The following ZBBX variants were observed in gnomAD, a reference collection of about 807,000 sequenced individuals.
The protein encoded by ZBBX is zinc finger B-box domain-containing protein 1.
ZBBX carries 101 observed loss-of-function variants against 108.5 expected under a neutral mutation model. That is an observed-to-expected ratio of 0.93 (90% CI 0.79 to 1.10). The LOEUF (loss-of-function observed/expected upper bound fraction) is 1.10, where lower values mean the gene tolerates loss of function less well. ZBBX is among the 50% of genes least tolerant of loss of function. The probability of loss-of-function intolerance (pLI) is 0.00; values close to 1 mark genes in which losing one functional copy is unlikely to be tolerated. For synonymous variants in ZBBX, 356 were observed against 323.4 expected (o/e 1.10, Z -1.08); for missense variants, 1,009 against 941.4 (o/e 1.07, Z -0.94).
chr3:167,298,997 T>C (rs1454480176), intron 17 of ZBBX, among the ~76,000 whole-genome samples: 1 of 152,074 alleles, frequency 6.6e-6, no homozygotes, highest in Non-Finnish European at 1.5e-5. Context: ...AGCTAGAAAC[T>C]AGCAGACCTA....
intron 16 of ZBBX, among the ~76,000 whole-genome samples, chr3:167,308,557 C>T (rs995766475): frequency 3.4e-4 from 52 of 152,166 alleles, no homozygotes; most frequent in Middle Eastern, 3.4e-3. Flanking sequence ...GGGAATCAAC[C>T]CAAATGCTCA....
chr3:167,350,452 C>G lies in ZBBX; in HGVS notation c.496G>C (p.Ala166Pro), dbSNP rs768107847. Residue 166 changes from alanine to proline, a missense_variant, in exon 9 of 22, where the codon GCA becomes CCA. Physicochemically the swap from Ala to Pro is conservative, Grantham distance 27. Transcript: ENST00000675490. Reference sequence around the variant, plus strand: ...AGAGTTGTTCTGTGGAGCTTTAGTGCCCCTTTCTGGTGAACTTTAGCAAAG... The same window carrying G: ...AGAGTTGTTCTGTGGAGCTTTAGTGGCCCTTTCTGGTGAACTTTAGCAAAG... ...GCFAKVHQKG[A>P]LKLHRTTLLQ... 1.1e-5 allele frequency: 17 copies of G among 1,596,280 alleles called. No individual in the cohort carries two copies. The highest frequency in any genetic ancestry group is 1.5e-5 in the Non-Finnish European group (17 of 1,168,840).
chr3:167,210,932 GA>G, the ZBBX span, among the ~76,000 whole-genome samples: 9 of 151,032 alleles, frequency 6.0e-5, no homozygotes, highest in African/African-American at 1.7e-4. Flanking sequence ...TCATCAGTAT[GA>G]AAAAAAAAGA....
At chr3:167,192,020 G>C in the ZBBX span, among the ~76,000 whole-genome samples, 1 of 147,016 alleles carries the variant, frequency 6.8e-6, no homozygotes, top group East Asian at 2.0e-4. Flanking sequence ...CCATAGTTAG[G>C]TTTTATCTTT....
At chr3:167,287,315 T>C (rs1251435124) in intron 19 of ZBBX, among the ~76,000 whole-genome samples, 1 of 152,150 alleles carries the variant, frequency 6.6e-6, no homozygotes. Flanking sequence ...ATTCAGACTG[T>C]TTATATTAGC....
At chr3:167,351,772 C>T (rs886894409) in intron 8 of ZBBX, among the ~76,000 whole-genome samples, 1 of 152,170 alleles carries the variant, frequency 6.6e-6, no homozygotes, top group Non-Finnish European at 1.5e-5. Flanking sequence ...CACTGGTGCC[C>T]TTCCTGTCTG....
At chr3:167,225,556 T>C in the ZBBX span, among the ~76,000 whole-genome samples, 3 of 151,854 alleles carry the variant, frequency 2.0e-5, no homozygotes, top group African/African-American at 4.8e-5. Flanking sequence ...GCTAAATAGA[T>C]AGAAGAGTAA....
chr3:167,232,223 A>G, the ZBBX span, among the ~76,000 whole-genome samples: 234 of 151,948 alleles, frequency 1.5e-3, 2 homozygotes, highest in African/African-American at 5.2e-3. Flanking sequence ...TGTTTCACTA[A>G]TACCAAGTAA....
Position 167,346,130 on chromosome 3 carries a change from T to C in ZBBX, c.528+4290A>G, listed in dbSNP as rs1339967841. ...GAATGCCTGATATATTAAGACCTCA[T>C]TTCTCATCTGAAAATAACTTTTGTT... On this transcript the variant is annotated intron_variant, in intron 9 of 21. Transcript: ENST00000675490. Among the ~76,000 whole-genome samples the C allele has an allele frequency of 2.6e-5, 4 of 151,840 alleles. No individual in the cohort carries two copies. The South Asian group carries it at 6.2e-4, about 24-fold the overall frequency.
intron 18 of ZBBX, among the ~76,000 whole-genome samples, chr3:167,289,777 A>T (rs1730350509): frequency 6.6e-6 from 1 of 152,174 alleles, no homozygotes; most frequent in Non-Finnish European, 1.5e-5. Context: ...CCAGGGAGCC[A>T]AGTGGTCTGG....
intron 10 of ZBBX, among the ~76,000 whole-genome samples, chr3:167,330,871 G>GAACAAGAAGAAGAAGAAGAAGAAGAAGA (rs1553820669): frequency 2.3e-5 from 1 of 43,916 alleles, no homozygotes; most frequent in Non-Finnish European, 4.5e-5. Context: ...GGAGGAGGAG[G>GAACAAGAAGAAGAAGAAGAAGAAGAAGA]AGAAGAAGAA....
intron 20 of ZBBX, among the ~76,000 whole-genome samples, chr3:167,266,922 G>A (rs546759713): frequency 1.3e-5 from 2 of 152,062 alleles, no homozygotes; most frequent in African/African-American, 4.8e-5. Flanking sequence ...TTGAGGAATC[G>A]AGACCCACCC....
chr3:167,241,243 T>C (rs751493287), intron 21 of ZBBX, among the ~76,000 whole-genome samples: 3 of 152,140 alleles, frequency 2.0e-5, no homozygotes, highest in Non-Finnish European at 4.4e-5. Context: ...ATTAAGAACA[T>C]TCATCATCAC....
chr3:167,389,605 AG>A (rs1188825811), intron 1 of ZBBX, among the ~76,000 whole-genome samples: 1 of 152,304 alleles, frequency 6.6e-6, no homozygotes, highest in African/African-American at 2.4e-5. Context: ...ACAGTGTAAA[AG>A]TGTTCCTATG....
rs191372688 is a variant in ZBBX, at chr3:167,270,542, A to G, written c.2254+11696T>C. 9.8e-3 allele frequency among the ~76,000 whole-genome samples: 1,495 copies of G among 152,310 alleles called. 24 individuals are homozygous for G. The highest frequency in any genetic ancestry group is 0.034 in the African/African-American group (1,416 of 41,566). ...TCAGTGTAAATAATGGAGTGGCTAT[A>G]GGAGTGCTTACCCAAGAGCACAGTG... On this transcript the variant is annotated intron_variant, in intron 20 of 21. Transcript: ENST00000675490.
chr3:167,296,026 G>A (rs1341239368), intron 18 of ZBBX, among the ~76,000 whole-genome samples: 1 of 151,188 alleles, frequency 6.6e-6, no homozygotes, highest in African/African-American at 2.4e-5. Flanking sequence ...AACCAAATTC[G>A]GCAGCATATT....
intron 8 of ZBBX, among the ~76,000 whole-genome samples, chr3:167,352,487 T>C (rs1742831532): frequency 6.6e-6 from 1 of 151,852 alleles, no homozygotes; most frequent in African/African-American, 2.4e-5. Flanking sequence ...GTATCAGTAA[T>C]AAAAATTTTC....
At chr3:167,245,059 GAAC>G (rs747301668) in intron 20 of ZBBX, among the ~76,000 whole-genome samples, 5 of 152,048 alleles carry the variant, frequency 3.3e-5, no homozygotes, top group East Asian at 1.9e-4. Flanking sequence ...TCCCAATAAG[GAAC>G]AACAACAACA....
intron 18 of ZBBX, among the ~76,000 whole-genome samples, chr3:167,290,235 C>T (rs1262307471): frequency 1.3e-5 from 2 of 152,168 alleles, no homozygotes; most frequent in Non-Finnish European, 2.9e-5. Context: ...GATCAGACTG[C>T]CTCCTCAAGT....
Sources: gnomAD v4.1 joint callset for allele counts (sites outside exome capture counted in the v4.1 genomes callset) on GRCh38, gnomAD v4.1.1 for gene constraint, MANE v1.5 for transcripts, NCBI Gene and HGNC (gene_info 2026-07-23, HGNC 2026-07-21) for gene names.